Variants in RANBP2 observed in about 807,000 individuals in gnomAD.
RANBP2 encodes E3 SUMO-protein ligase RanBP2.
Under a neutral mutation model 303.6 loss-of-function variants are expected in RANBP2, and 57 were observed. That is an observed-to-expected ratio of 0.19 (90% CI 0.15 to 0.23). The LOEUF (loss-of-function observed/expected upper bound fraction) is 0.23. Among genes scored for constraint, RANBP2 ranks in the 10% least tolerant of loss-of-function variants. The probability of loss-of-function intolerance (pLI) is 1.00; values close to 1 mark genes in which losing one functional copy is unlikely to be tolerated. For synonymous variants in RANBP2, 1,167 were observed against 1,301.5 expected (o/e 0.90, Z 2.23); for missense variants, 3,138 against 3,780.8 (o/e 0.83, Z 4.46).
the RANBP2 span, among the ~76,000 whole-genome samples, chr2:109,602,945 CCTGTGGAAA>C: frequency 6.7e-6 from 1 of 149,600 alleles, no homozygotes; most frequent in South Asian, 2.1e-4. Flanking sequence ...GTGGTGTGTA[CCTGTGGAAA>C]CTGATACTTG....
the RANBP2 span, chr2:108,931,010 G>T: frequency 1.2e-6 from 2 of 1,613,984 alleles, no homozygotes; most frequent in Non-Finnish European, 1.7e-6. Flanking sequence ...CCCCACATGG[G>T]CCATCCTCTC....
chr2:108,926,707 T>C, the RANBP2 span, among the ~76,000 whole-genome samples: 3 of 152,280 alleles, frequency 2.0e-5, no homozygotes, highest in South Asian at 6.2e-4. Flanking sequence ...CGGGTGCTGC[T>C]CATTGTTCAG....
At chr2:109,614,391 C>CCCGCCAGACT in the RANBP2 span, 1 of 953,562 alleles carries the variant, frequency 1.0e-6, no homozygotes, top group Non-Finnish European at 1.3e-6. Context: ...GCCCGCTGAG[C>CCCGCCAGACT]CCGCCAGACT....
At chr2:109,741,703 G>C in the RANBP2 span, among the ~76,000 whole-genome samples, 1 of 128,922 alleles carries the variant, frequency 7.8e-6, no homozygotes, top group African/African-American at 2.9e-5. Context: ...CTGGGCGACA[G>C]AGAAAACTCT....
chr2:109,072,713 C>A, the RANBP2 span, among the ~76,000 whole-genome samples: 3 of 152,102 alleles, frequency 2.0e-5, no homozygotes, highest in East Asian at 1.9e-4. Flanking sequence ...CAGTGCAGAG[C>A]AAGTAGGAGA....
the RANBP2 span, among the ~76,000 whole-genome samples, chr2:109,423,355 C>T: frequency 6.6e-6 from 1 of 152,148 alleles, no homozygotes; most frequent in Non-Finnish European, 1.5e-5. Flanking sequence ...CCTCGCAGAC[C>T]TTGCTGTGAT....
the RANBP2 span, among the ~76,000 whole-genome samples, chr2:109,442,203 C>G: frequency 6.6e-6 from 1 of 151,268 alleles, no homozygotes; most frequent in Non-Finnish European, 1.5e-5. Flanking sequence ...CCCAGCTGCT[C>G]AGGAGGCTGA....
At chr2:109,518,102 G>A in the RANBP2 span, among the ~76,000 whole-genome samples, 2 of 152,238 alleles carry the variant, frequency 1.3e-5, no homozygotes, top group Non-Finnish European at 2.9e-5. Flanking sequence ...TCTAATTGGC[G>A]GCATTTGAAT....
chr2:108,841,579 A>G, the RANBP2 span, among the ~76,000 whole-genome samples: 1 of 152,078 alleles, frequency 6.6e-6, no homozygotes, highest in Non-Finnish European at 1.5e-5. Context: ...CATTTGATTC[A>G]TGTTCTAAAA....
At chr2:109,668,174 C>A in the RANBP2 span, among the ~76,000 whole-genome samples, 2 of 152,304 alleles carry the variant, frequency 1.3e-5, no homozygotes, top group South Asian at 4.1e-4. Flanking sequence ...AATTGCAGGA[C>A]CCGGGTTCAT....
intron 15 of RANBP2, 118 bp downstream of exon 15, chr2:108,754,089 A>G: frequency 6.2e-7 from 1 of 1,603,770 alleles, no homozygotes; most frequent in Non-Finnish European, 8.5e-7. Context: ...TTATTAATGC[A>G]CAGAAGGGAT....
chr2:109,659,374 C>A, the RANBP2 span, among the ~76,000 whole-genome samples: 6 of 152,094 alleles, frequency 3.9e-5, no homozygotes, highest in East Asian at 7.7e-4. Context: ...TCATCCCCCC[C>A]AAAAACACAC....
the RANBP2 span, among the ~76,000 whole-genome samples, chr2:109,371,067 G>A: frequency 6.6e-6 from 1 of 152,302 alleles, no homozygotes. Context: ...CCCATATGGG[G>A]CTCTTTGCAG....
chr2:109,717,284 A>AG, the RANBP2 span, among the ~76,000 whole-genome samples: 2 of 151,134 alleles, frequency 1.3e-5, no homozygotes, highest in Non-Finnish European at 1.5e-5. Context: ...AAAAAAAAAA[A>AG]AAAAAAACCC....
the RANBP2 span, among the ~76,000 whole-genome samples, chr2:108,977,347 C>G: frequency 2.6e-5 from 4 of 152,188 alleles, no homozygotes; most frequent in Non-Finnish European, 1.5e-5. Context: ...CGGCTCACTG[C>G]AAGCTGCGCC....
the RANBP2 span, among the ~76,000 whole-genome samples, chr2:109,722,786 C>G: frequency 6.6e-6 from 1 of 152,122 alleles, no homozygotes; most frequent in Non-Finnish European, 1.5e-5. Flanking sequence ...CCAAATCCAT[C>G]TATGTCCCTG....
At chr2:108,791,519 T>C in the RANBP2 span, 3 of 824,636 alleles carry the variant, frequency 3.6e-6, no homozygotes, top group South Asian at 2.8e-5. Context: ...CTGTTAGTTT[T>C]TACGTTTTTT....
the RANBP2 span, among the ~76,000 whole-genome samples, chr2:109,121,666 C>G: frequency 6.6e-6 from 1 of 152,140 alleles, no homozygotes; most frequent in African/African-American, 2.4e-5. Flanking sequence ...CTCTGCTTAG[C>G]AAGTGGGAAA....
At chr2:109,685,362 G>A in the RANBP2 span, among the ~76,000 whole-genome samples, 4 of 152,214 alleles carry the variant, frequency 2.6e-5, no homozygotes, top group African/African-American at 7.2e-5. Flanking sequence ...GAATCTAAGG[G>A]TACGTATGTA....
Sources: gnomAD v4.1 joint callset for allele counts (sites outside exome capture counted in the v4.1 genomes callset) on GRCh38, gnomAD v4.1.1 for gene constraint, MANE v1.5 for transcripts, NCBI Gene and HGNC (gene_info 2026-07-23, HGNC 2026-07-21) for gene names.